PGBD5: variants seen among roughly 807,000 people sequenced by gnomAD.
PGBD5 encodes piggyBac transposable element-derived protein 5.
A neutral mutation model predicts 47.9 loss-of-function variants in PGBD5; 14 were observed. The observed-to-expected ratio is 0.29, with a 90% CI of 0.19 to 0.46. The LOEUF (loss-of-function observed/expected upper bound fraction) is 0.46, where lower values mean the gene tolerates loss of function less well. PGBD5 is among the 20% of genes least tolerant of loss of function. The pLI, the probability that PGBD5 is intolerant of heterozygous loss-of-function variation, is 1.00. For missense variants in PGBD5, 635 were observed against 716.0 expected (o/e 0.89, Z 1.29); for synonymous variants, 316 against 306.3 (o/e 1.03, Z -0.33).
intron 1 of PGBD5, chr1:230,367,935 T>G (rs764806699): frequency 1.5e-6 from 2 of 1,361,806 alleles, no homozygotes; most frequent in Admixed American, 1.9e-5. Context: ...TTGCTCAAGG[T>G]CACGCAAGCT....
Position 230,351,000 on chromosome 1 carries a change from G to C in PGBD5, c.852C>G (p.Ser284Arg), listed in dbSNP as rs755655191. 1 of 1,614,170 alleles carries C rather than the reference G, an allele frequency of 6.2e-7. No individual in the cohort carries two copies. The highest frequency in any genetic ancestry group is 2.2e-5 in the East Asian group (1 of 44,866). ...ELRKRKKRKF[S>R]LWVRQCSSTG... ...TGGAAGAACATTGTCTGACCCAGAGGCTGAATTTCCGCTTTTTCCTCTTTC... is the reference window on the plus strand; with the variant it reads ...TGGAAGAACATTGTCTGACCCAGAGCCTGAATTTCCGCTTTTTCCTCTTTC... The change falls in exon 3 of 7, where the codon AGC becomes AGG. Residue 284 changes from serine (S) to arginine (R), a missense_variant. Transcript: ENST00000391860.
intron 1 of PGBD5, chr1:230,368,189 A>C (rs1436325441): frequency 7.4e-7 from 1 of 1,345,734 alleles, no homozygotes; most frequent in South Asian, 1.2e-5. Context: ...GCTTGGGGAG[A>C]TGGATAAAAG....
rs896665796 is a variant in PGBD5 at position 230,321,818 on chromosome 1, C to G, written c.*1607G>C. On this transcript the variant is annotated 3_prime_UTR_variant, in exon 7 of 7. Transcript: ENST00000391860. ...TATATTTCTCCATGTGGTAAAAGTGCTTTCAATCCCATTAAAGGGCACAGC... is the reference window on the plus strand; with the variant it reads ...TATATTTCTCCATGTGGTAAAAGTGGTTTCAATCCCATTAAAGGGCACAGC... 4 of 152,604 alleles carry G rather than the reference C, an allele frequency of 2.6e-5. No individual in the cohort carries two copies. The highest frequency in any genetic ancestry group is 9.7e-5 in the African/African-American group (4 of 41,450). The allele number at this position is 152,604 out of a possible 1,614,324, so 9.5% of individuals were successfully genotyped here. A position where few individuals can be genotyped will look rare whatever the true frequency, so the allele number is the denominator to read the frequency against.
chr1:230,371,784 C>T (rs1667932343), intron 1 of PGBD5, among the ~76,000 whole-genome samples: 1 of 152,220 alleles, frequency 6.6e-6, no homozygotes, highest in Non-Finnish European at 1.5e-5. Flanking sequence ...AGGCACAGAG[C>T]TTGCACAAAT....
chr1:230,421,451 G>A (rs962544062), intron 1 of PGBD5, among the ~76,000 whole-genome samples: 9 of 152,208 alleles, frequency 5.9e-5, no homozygotes, highest in African/African-American at 1.9e-4. Context: ...CACTTAATCT[G>A]GTAATCTCAT....
chr1:230,386,295 G>C (rs1479909289), intron 1 of PGBD5, among the ~76,000 whole-genome samples: 1 of 150,290 alleles, frequency 6.7e-6, no homozygotes, highest in African/African-American at 2.5e-5. Flanking sequence ...CTCCAGCCAG[G>C]GTGACAGAGC....
rs1349130433 is a variant in PGBD5 at position 230,391,699 on chromosome 1, A to G, written c.331+33899T>C. On this transcript the variant is annotated intron_variant, in intron 1 of 6. Coordinates refer to ENST00000391860, the MANE Select transcript of PGBD5 (RefSeq NM_001258311.2). ...TGGCCATCCATAAAACACAGCTCCT[A>G]CTGTATTTTGGTGCACTTAGGAGGA... is the stretch of plus-strand genomic sequence containing the variant. Among the ~76,000 whole-genome samples the G allele has an allele frequency of 2.6e-5, 4 of 152,188 alleles. No homozygotes were observed. The East Asian group carries it at 7.7e-4, about 29-fold the overall frequency.
chr1:230,424,373 A>C (rs185634122), intron 1 of PGBD5, among the ~76,000 whole-genome samples: 5 of 152,318 alleles, frequency 3.3e-5, no homozygotes, highest in Admixed American at 1.3e-4. Flanking sequence ...CCACCCCCAA[A>C]GCAGTGCACA....
intron 2 of PGBD5, among the ~76,000 whole-genome samples, chr1:230,354,733 C>CA (rs1667608568): frequency 1.3e-5 from 2 of 152,302 alleles, no homozygotes; most frequent in Admixed American, 1.3e-4. Flanking sequence ...GATCACACCC[C>CA]TAGCCAACAG....
At chr1:230,382,489 G>T (rs1014427884) in intron 1 of PGBD5, among the ~76,000 whole-genome samples, 5 of 152,170 alleles carry the variant, frequency 3.3e-5, no homozygotes, top group African/African-American at 1.2e-4. Context: ...TCTGGCTTTT[G>T]TATGCTGGCC....
intron 1 of PGBD5, among the ~76,000 whole-genome samples, chr1:230,406,994 C>G (rs930383876): frequency 6.6e-6 from 1 of 152,150 alleles, no homozygotes; most frequent in Admixed American, 6.5e-5. Flanking sequence ...ACCACCACAC[C>G]CAGATAATTT....
chr1:230,339,147 G>C (rs928662281), intron 3 of PGBD5, among the ~76,000 whole-genome samples: 32 of 152,210 alleles, frequency 2.1e-4, no homozygotes, highest in African/African-American at 7.2e-4. Flanking sequence ...CTGAAGAACT[G>C]CAACGTGATA....
At chr1:230,330,997 A>G (rs1472153522) in intron 5 of PGBD5, among the ~76,000 whole-genome samples, 3 of 152,142 alleles carry the variant, frequency 2.0e-5, no homozygotes, top group Non-Finnish European at 2.9e-5. Flanking sequence ...GTCATCTTAA[A>G]TCCTGGAGAG....
At chr1:230,326,055 T>C (rs1395848767) in intron 5 of PGBD5, among the ~76,000 whole-genome samples, 2 of 152,250 alleles carry the variant, frequency 1.3e-5, no homozygotes, top group African/African-American at 4.8e-5. Context: ...CTGATCTCCA[T>C]ACATTATATG....
chr1:230,380,637 G>T (rs73102033), intron 1 of PGBD5, among the ~76,000 whole-genome samples: 1 of 152,224 alleles, frequency 6.6e-6, no homozygotes, highest in African/African-American at 2.4e-5. Flanking sequence ...CCAAGCCCAG[G>T]TTATGGCTTT....
intron 1 of PGBD5, among the ~76,000 whole-genome samples, chr1:230,421,214 A>G (rs1034637047): frequency 3.3e-5 from 5 of 152,066 alleles, no homozygotes; most frequent in African/African-American, 1.2e-4. Flanking sequence ...CAACCACTAT[A>G]CCACCAACAC....
chr1:230,323,181 G>A lies in PGBD5; in HGVS notation c.*244C>T. On this transcript the variant is annotated 3_prime_UTR_variant, in exon 7 of 7. Transcript: ENST00000391860. This position sits in a 1 kb window ranked among gnomAD's most constrained non-coding sequence, Gnocchi z 4.1. ...AGAGAATCTGCCCTTGAGAACGTGGGTGTAAGTGCTCATCACACCGGCGGC... is the reference window on the plus strand; with the variant it reads ...AGAGAATCTGCCCTTGAGAACGTGGATGTAAGTGCTCATCACACCGGCGGC... 4 of 521,768 alleles carry A rather than the reference G, an allele frequency of 7.7e-6. No homozygotes were observed. The South Asian group carries it at 7.7e-5, about 10-fold the overall frequency. 32.3% of individuals were successfully genotyped at this position (521,768 alleles called of 1,614,324 possible).
intron 1 of PGBD5, among the ~76,000 whole-genome samples, chr1:230,368,773 C>T (rs12731946): frequency 0.27 from 40,865 of 149,180 alleles, 6,648 homozygotes; most frequent in Non-Finnish European, 0.36. Flanking sequence ...CAGGTCCTGC[C>T]CTGGTGAGGC....
chr1:230,347,473 T>C (rs989865393), intron 3 of PGBD5, among the ~76,000 whole-genome samples: 2 of 134,952 alleles, frequency 1.5e-5, no homozygotes, highest in African/African-American at 5.2e-5. Context: ...TTCATTTTCT[T>C]TTCTTTTTTT....
Sources: gnomAD v4.1 joint callset for allele counts (sites outside exome capture counted in the v4.1 genomes callset) on GRCh38, gnomAD v4.1.1 for gene constraint, Gnocchi (gnomAD v3.1) non-coding constraint, MANE v1.5 for transcripts, NCBI Gene and HGNC (gene_info 2026-07-23, HGNC 2026-07-21) for gene names.